ADGRV1: variants seen among roughly 807,000 people sequenced by gnomAD.
ADGRV1 encodes the protein adhesion G protein-coupled receptor V1, also known as G-protein coupled receptor 98.
Under a neutral mutation model 596.2 loss-of-function variants are expected in ADGRV1, and 359 were observed. The observed-to-expected ratio is 0.60, with a 90% CI of 0.55 to 0.66. The LOEUF is 0.66. Among genes scored for constraint, ADGRV1 ranks in the 30% least tolerant of loss-of-function variants. The pLI is 0.00. For missense variants in ADGRV1, 7,274 were observed against 7,575.6 expected (o/e 0.96, Z 1.48); for synonymous variants, 2,681 against 2,679.2 (o/e 1.00, Z -0.02).
intron 70 of ADGRV1, among the ~76,000 whole-genome samples, chr5:90,795,086 G>GTT (rs35362542): frequency 0.026 from 3,130 of 120,200 alleles, 120 homozygotes; most frequent in African/African-American, 0.073. Context: ...AGCTGCAGAA[G>GTT]TTTTTTTTTT....
chr5:90,720,310 A>G (rs567853494), intron 44 of ADGRV1, 87 bp downstream of exon 44: 2 of 862,832 alleles, frequency 2.3e-6, no homozygotes, highest in African/African-American at 1.7e-5. Context: ...AAGGAAATTG[A>G]TATCTGATTA....
intron 21 of ADGRV1, among the ~76,000 whole-genome samples, chr5:90,660,152 C>G (rs1221609229): frequency 6.6e-6 from 1 of 151,922 alleles, no homozygotes. Context: ...AAAATAATAC[C>G]CCCTTATCAC....
chr5:90,889,369 G>A (rs1312456704), intron 83 of ADGRV1, among the ~76,000 whole-genome samples: 1 of 152,096 alleles, frequency 6.6e-6, no homozygotes, highest in Non-Finnish European at 1.5e-5. Context: ...CATCAGCATT[G>A]TGGTCTCTTA....
rs369319752 is a variant in ADGRV1, at chr5:90,724,961, G to A, written c.9878G>A (p.Arg3293Gln). 1.1e-5 allele frequency: 17 copies of A among 1,602,370 alleles called. No homozygotes were observed. The highest frequency in any genetic ancestry group is 6.7e-5 in the East Asian group (3 of 44,660). Reference protein sequence around the residue: ...MLRKSSVTVYRWQGIFIPVED... With the variant: ...MLRKSSVTVYQWQGIFIPVED... ...AGAAAATCATCTGTTACTGTTTACC[G>A]ATGGCAGGGGATTTTTATTCCAGTT... The change falls in exon 46 of 90, where the codon CGA (arginine) becomes CAA (glutamine). Residue 3293 changes from arginine (R) to glutamine (Q), a missense_variant. Physicochemically the swap from Arg to Gln is conservative, Grantham distance 43. Around this residue, in one of 5 missense-constraint regions of ADGRV1, gnomAD observed 3,643 missense variants for 3,809.2 expected, o/e 0.96. Coordinates refer to ENST00000405460, the MANE Select transcript of ADGRV1 (RefSeq NM_032119.4).
chr5:90,951,314 G>A (rs1777045860), intron 83 of ADGRV1, among the ~76,000 whole-genome samples: 2 of 152,136 alleles, frequency 1.3e-5, no homozygotes, highest in Admixed American at 1.3e-4. Context: ...AGTAATACAT[G>A]TTTTGAAGTT....
At chr5:90,574,288 A>T (rs1756928206) in intron 1 of ADGRV1, among the ~76,000 whole-genome samples, 1 of 152,046 alleles carries the variant, frequency 6.6e-6, no homozygotes, top group South Asian at 2.1e-4. Context: ...TTCAATCCAT[A>T]AGAATAGAAT....
chr5:90,891,851 G>A (rs965785814), intron 83 of ADGRV1, among the ~76,000 whole-genome samples: 2 of 151,960 alleles, frequency 1.3e-5, no homozygotes, highest in Non-Finnish European at 2.9e-5. Flanking sequence ...TGGGGAAGCA[G>A]TAATATATTT....
At chr5:91,105,992 A>AAAGGTT in intron 87 of ADGRV1, among the ~76,000 whole-genome samples, 1 of 151,004 alleles carries the variant, frequency 6.6e-6, no homozygotes, top group African/African-American at 2.4e-5. Context: ...TTTATATTTA[A>AAAGGTT]TATCCTTTTA....
intron 85 of ADGRV1, among the ~76,000 whole-genome samples, chr5:91,004,313 G>A (rs1202275986): frequency 6.6e-6 from 1 of 151,872 alleles, no homozygotes; most frequent in Non-Finnish European, 1.5e-5. Context: ...GTTTCGTAAT[G>A]GAAAACAAAT....
Position 91,074,769 on chromosome 5 carries a change from G to A in ADGRV1, c.18310+2165G>A, listed in dbSNP as rs371664236. Among the ~76,000 whole-genome samples the A allele has an allele frequency of 1.6e-4, 24 of 152,272 alleles. No homozygotes were observed. The East Asian group carries it at 3.5e-3, about 22-fold the overall frequency. ...AGCCAAACTGCATTTCACAATGGCT[G>A]AACTAATTTACATTCCTACCAGTAG... is the stretch of plus-strand genomic sequence containing the variant. On this transcript the variant is annotated intron_variant, in intron 86 of 89. Coordinates refer to ENST00000405460, the MANE Select transcript of ADGRV1 (RefSeq NM_032119.4).
chr5:90,811,140 T>C lies in ADGRV1; in HGVS notation c.15880T>C (p.Phe5294Leu), dbSNP rs1339288752. ...NLTWAVEEED[F>L]EEQTLTLIFL... ...AACATGGGCAGTTGAAGAAGAAGACTTTGAAGAACAAACTCTTACCCTTAT... is the reference window on the plus strand; with the variant it reads ...AACATGGGCAGTTGAAGAAGAAGACCTTGAAGAACAAACTCTTACCCTTAT... Residue 5294 changes from phenylalanine to leucine, a missense_variant, in exon 74 of 90, where the codon TTT (phenylalanine) becomes CTT (leucine). By Grantham distance (22) the Phe-to-Leu change is conservative. Transcript: ENST00000405460. The C allele has an allele frequency of 1.2e-6, 2 of 1,613,770 alleles. No individual in the cohort carries two copies. The highest frequency in any genetic ancestry group is 1.7e-6 in the Non-Finnish European group (2 of 1,179,850).
chr5:90,790,735 T>TA, intron 69 of ADGRV1, 138 bp from the exon 70 acceptor site: 1 of 599,128 alleles, frequency 1.7e-6, no homozygotes, highest in Non-Finnish European at 2.9e-6. Context: ...AACATATACT[T>TA]AGAGAGTTTG....
At chr5:91,150,624 A>G (rs1367530287) in intron 88 of ADGRV1, among the ~76,000 whole-genome samples, 1 of 152,204 alleles carries the variant, frequency 6.6e-6, no homozygotes, top group Non-Finnish European at 1.5e-5. Flanking sequence ...AAATACTTTC[A>G]TAGCTCTCTT....
At chr5:91,122,273 C>T (rs1325523124) in intron 87 of ADGRV1, among the ~76,000 whole-genome samples, 2 of 152,130 alleles carry the variant, frequency 1.3e-5, no homozygotes, top group Admixed American at 6.5e-5. Flanking sequence ...TGCTTTTCTG[C>T]CCTTTGATGT....
chr5:90,685,836 A>T lies in ADGRV1; in HGVS notation c.6331A>T (p.Ile2111Phe). 1 of 1,612,280 alleles carries T rather than the reference A, an allele frequency of 6.2e-7. No homozygotes were observed. Among genetic ancestry groups the T allele is most frequent in the African/African-American group, 1.3e-5 (1 of 75,020 alleles). ...KVETIAQLII[I>F]ANDDAFGTLQ... ...AGAAACTATTGCGCAACTAATTATC[A>T]TTGCCAATGATGATGCATTTGGAAC... The change falls in exon 29 of 90, where the codon ATT becomes TTT. Residue 2111 changes from isoleucine (I) to phenylalanine (F), a missense_variant. Physicochemically the swap from Ile to Phe is conservative, Grantham distance 21 (BLOSUM62 0). Transcript: ENST00000405460.
intron 85 of ADGRV1, among the ~76,000 whole-genome samples, chr5:91,022,718 G>T (rs1298623840): frequency 1.3e-5 from 2 of 152,112 alleles, no homozygotes; most frequent in Non-Finnish European, 2.9e-5. Context: ...GCGTGCATTT[G>T]TGGAACCCCA....
At chr5:90,830,511 G>A (rs1311031182) in intron 77 of ADGRV1, among the ~76,000 whole-genome samples, 1 of 152,138 alleles carries the variant, frequency 6.6e-6, no homozygotes, top group Non-Finnish European at 1.5e-5. Context: ...TCTTAAGCGA[G>A]TTTATGTGCT....
chr5:90,980,830 C>T (rs929170149), intron 84 of ADGRV1, among the ~76,000 whole-genome samples: 6 of 152,090 alleles, frequency 3.9e-5, no homozygotes, highest in African/African-American at 1.4e-4. Context: ...TCTGTTAATA[C>T]TCTTAAGTTA....
intron 29 of ADGRV1, among the ~76,000 whole-genome samples, 175 bp downstream of exon 29, chr5:90,686,170 G>T (rs961791429): frequency 6.7e-6 from 1 of 150,194 alleles, no homozygotes; most frequent in Admixed American, 6.6e-5. Flanking sequence ...TTTGGGGGGG[G>T]GGATGGAGTC....
Sources: allele counts gnomAD v4.1 joint callset (sites outside exome capture counted in the v4.1 genomes callset), GRCh38; gene constraint gnomAD v4.1.1; regional missense constraint gnomAD v4.1.1; transcripts MANE v1.5; gene names NCBI Gene and HGNC (gene_info 2026-07-23, HGNC 2026-07-21).